CFAP77: variants seen among roughly 807,000 people sequenced by gnomAD.
CFAP77 encodes the protein cilia and flagella associated protein 77.
Under a neutral mutation model 31.1 loss-of-function variants are expected in CFAP77, and 25 were observed. That is an observed-to-expected ratio of 0.80 (90% CI 0.59 to 1.12). CFAP77 has a LOEUF of 1.12. Ranked by LOEUF, CFAP77 falls within the 50% of genes most tolerant of loss-of-function variation. The pLI is 0.00. For missense variants in CFAP77, 377 were observed against 397.3 expected (o/e 0.95, Z 0.44); for synonymous variants, 151 against 159.9 (o/e 0.94, Z 0.42).
At position 132,467,883 on chromosome 9, in the gene CFAP77, C is replaced by CT. The variant is rs1359131424; in HGVS notation, c.196-30804dup. ...GTTATTTTCTGGGTTTGGTTTTTTTCTTTTTTTTAGTAGTCACCATCTTAA... is the reference window on the plus strand; with the variant it reads ...GTTATTTTCTGGGTTTGGTTTTTTTCTTTTTTTTTAGTAGTCACCATCTTAA... On this transcript the variant is annotated intron_variant, in intron 1 of 5. Coordinates refer to ENST00000393216, the MANE Select transcript of CFAP77 (RefSeq NM_001282957.2). 1.1e-4 allele frequency among the ~76,000 whole-genome samples: 16 copies of CT among 151,884 alleles called. No homozygotes were observed. In the East Asian group the frequency reaches 1.7e-3, roughly 16 times the overall value.
rs150269151 is a variant in CFAP77, at chr9:132,480,755, C to T, written c.196-17940C>T. ...GCTAGGAGTTAGCGGGGCCAGGCGC[C>T]GGTGAGGAGAGGGATGTGTCAGCCT... On this transcript the variant is annotated intron_variant, in intron 1 of 5. Transcript: ENST00000393216. This position sits in a 1 kb window ranked among gnomAD's most constrained non-coding sequence, Gnocchi z 5.8. 6.1e-3 allele frequency among the ~76,000 whole-genome samples: 930 copies of T among 152,132 alleles called. 8 individuals carry two copies. The highest frequency in any genetic ancestry group is 0.014 in the South Asian group (66 of 4,824).
chr9:132,457,574 C>T (rs77670825), intron 1 of CFAP77, among the ~76,000 whole-genome samples: 3,294 of 152,280 alleles, frequency 0.022, 59 homozygotes, highest in Middle Eastern at 0.034. Flanking sequence ...GGGAGAAATA[C>T]ATCGCCGCTA....
chr9:132,457,416 TTG>T (rs762389560), intron 1 of CFAP77, among the ~76,000 whole-genome samples: 1 of 152,380 alleles, frequency 6.6e-6, no homozygotes, highest in South Asian at 2.1e-4. Flanking sequence ...AGTTTTTCTT[TTG>T]TGTTTTTTGC....
chr9:132,424,879 G>T lies in CFAP77; in HGVS notation c.195+14413G>T, dbSNP rs1850287321. On this transcript the variant is annotated intron_variant, in intron 1 of 5. Transcript: ENST00000393216. The surrounding 1 kb of genome is among the most constrained non-coding windows in gnomAD (Gnocchi z 4.1). Reference sequence around the variant, plus strand: ...ATCCCCTCCTCCTCTCCCAAACACGGCTCCCTTCTTCTCCCCACCTCCCTA... The same window carrying T: ...ATCCCCTCCTCCTCTCCCAAACACGTCTCCCTTCTTCTCCCCACCTCCCTA... Among the ~76,000 whole-genome samples the T allele has an allele frequency of 6.6e-6, 1 of 152,080 alleles. No homozygotes were observed. The highest frequency in any genetic ancestry group is 1.5e-5 in the Non-Finnish European group (1 of 68,010).
At chr9:132,563,533 T>C (rs1251937919) in intron 5 of CFAP77, among the ~76,000 whole-genome samples, 1 of 152,214 alleles carries the variant, frequency 6.6e-6, no homozygotes, top group Non-Finnish European at 1.5e-5. Context: ...CAGGCCCCAC[T>C]GATGGACATG....
At chr9:132,551,774 G>A (rs986997131) in intron 5 of CFAP77, among the ~76,000 whole-genome samples, 1 of 152,214 alleles carries the variant, frequency 6.6e-6, no homozygotes, top group Non-Finnish European at 1.5e-5. Context: ...ACTCTGGCTG[G>A]CTGCCTCCAA....
chr9:132,549,987 A>G (rs977233116), intron 5 of CFAP77, among the ~76,000 whole-genome samples: 2 of 152,232 alleles, frequency 1.3e-5, no homozygotes, highest in Non-Finnish European at 2.9e-5. Context: ...TGAAGTTCTG[A>G]GGCAGAGACA....
chr9:132,486,611 G>A (rs1182671894), intron 1 of CFAP77, among the ~76,000 whole-genome samples: 1 of 152,148 alleles, frequency 6.6e-6, no homozygotes, highest in Non-Finnish European at 1.5e-5. Context: ...TCTCACGTTC[G>A]CCTTTTGTCA....
At chr9:132,536,397 T>TA (rs1413179401) in intron 3 of CFAP77, among the ~76,000 whole-genome samples, 1 of 149,270 alleles carries the variant, frequency 6.7e-6, no homozygotes, top group African/African-American at 2.5e-5. Flanking sequence ...AGTTCTTTTT[T>TA]TTTTTTTTTT....
At chr9:132,469,838 A>ATTT (rs763910119) in intron 1 of CFAP77, among the ~76,000 whole-genome samples, 185 of 128,820 alleles carry the variant, frequency 1.4e-3, no homozygotes, top group Middle Eastern at 3.9e-3. Context: ...TTGCTCCGTG[A>ATTT]TTTTTTTTTT....
chr9:132,511,789 C>T lies in CFAP77; in HGVS notation c.524+12189C>T, dbSNP rs994985287. ...CAAAAATGAAGCGGCCGCGCGGCGG[C>T]TCACGCCTGTCATCCCAGCACTGTG... On this transcript the variant is annotated intron_variant, in intron 3 of 5. Coordinates refer to ENST00000393216, the MANE Select transcript of CFAP77 (RefSeq NM_001282957.2). The surrounding 1 kb of genome is among the most constrained non-coding windows in gnomAD (Gnocchi z 5.8). Among the ~76,000 whole-genome samples the T allele has an allele frequency of 2.0e-5, 3 of 152,194 alleles. No homozygotes were observed. The highest frequency in any genetic ancestry group is 6.5e-5 in the Admixed American group (1 of 15,284).
chr9:132,503,561 G>A (rs10901179), intron 3 of CFAP77, among the ~76,000 whole-genome samples: 21,455 of 152,034 alleles, frequency 0.14, 1,674 homozygotes, highest in East Asian at 0.19. Flanking sequence ...GTGATTCTCA[G>A]GCTATGTTTT....
At chr9:132,486,317 C>A (rs1321643163) in intron 1 of CFAP77, among the ~76,000 whole-genome samples, 2 of 151,262 alleles carry the variant, frequency 1.3e-5, no homozygotes, top group African/African-American at 4.9e-5. Context: ...TGGTCTCGAT[C>A]TCCAGACCTC....
chr9:132,525,119 A>T (rs1028382122), intron 3 of CFAP77, among the ~76,000 whole-genome samples: 1 of 149,336 alleles, frequency 6.7e-6, no homozygotes, highest in African/African-American at 2.5e-5. Flanking sequence ...TCCCGAGTTC[A>T]AGCGGTTCTC....
At position 132,511,249 on chromosome 9, in the gene CFAP77, C is replaced by G. The variant is rs1161841598; in HGVS notation, c.524+11649C>G. On this transcript the variant is annotated intron_variant, in intron 3 of 5. Coordinates refer to ENST00000393216, the MANE Select transcript of CFAP77 (RefSeq NM_001282957.2). The surrounding 1 kb of genome is among the most constrained non-coding windows in gnomAD (Gnocchi z 5.8). ...TTGACTCTGACTCCCCCAAGCTAAA[C>G]CTCCTTCAGTCCCCTGAACTCCCTC... is the stretch of plus-strand genomic sequence containing the variant. Among the ~76,000 whole-genome samples, 1 of 152,162 alleles carries G rather than the reference C, an allele frequency of 6.6e-6. No homozygotes were observed. The highest frequency in any genetic ancestry group is 1.5e-5 in the Non-Finnish European group (1 of 68,026).
rs749919597 is a variant in CFAP77 at position 132,517,227 on chromosome 9, C to G, written c.524+17627C>G. 6.6e-6 allele frequency among the ~76,000 whole-genome samples: 1 copy of G among 151,950 alleles called. No homozygotes were observed. Among genetic ancestry groups the G allele is most frequent in the Non-Finnish European group, 1.5e-5 (1 of 68,044 alleles). The stretch of plus-strand genomic sequence containing the variant: ...AGGCCCAGCCTCAGAGGCCACCATC[C>G]GCCCCTCCGTCCCTTCTCAGCTGCG... On this transcript the variant is annotated intron_variant, in intron 3 of 5. Coordinates refer to ENST00000393216, the MANE Select transcript of CFAP77 (RefSeq NM_001282957.2). The surrounding 1 kb of genome is among the most constrained non-coding windows in gnomAD (Gnocchi z 4.7).
intron 4 of CFAP77, among the ~76,000 whole-genome samples, chr9:132,540,678 G>A (rs1852625074): frequency 6.6e-6 from 1 of 152,242 alleles, no homozygotes; most frequent in African/African-American, 2.4e-5. Flanking sequence ...GAAGGGGATA[G>A]TTGTGGAGAA....
chr9:132,441,604 C>A (rs1174349034), intron 1 of CFAP77, among the ~76,000 whole-genome samples: 1 of 152,176 alleles, frequency 6.6e-6, no homozygotes, highest in Non-Finnish European at 1.5e-5. Context: ...GAAATGACAG[C>A]CTACCTTGGA....
chr9:132,557,895 C>T (rs936943568), intron 5 of CFAP77, among the ~76,000 whole-genome samples: 1 of 152,144 alleles, frequency 6.6e-6, no homozygotes, highest in Non-Finnish European at 1.5e-5. Flanking sequence ...TGTCTCCTCC[C>T]CCGGTTCTGA....
Sources: gnomAD v4.1 joint callset for allele counts (sites outside exome capture counted in the v4.1 genomes callset) on GRCh38, gnomAD v4.1.1 for gene constraint, Gnocchi (gnomAD v3.1) non-coding constraint, MANE v1.5 for transcripts, NCBI Gene and HGNC (gene_info 2026-07-23, HGNC 2026-07-21) for gene names.